The following AFF3 variants were observed in gnomAD, a reference collection of about 807,000 sequenced individuals.
The protein encoded by AFF3 is ALF transcription elongation factor 3, also known as AF4/FMR2 family member 3.
Under a neutral mutation model 129.7 loss-of-function variants are expected in AFF3, and 32 were observed. The observed-to-expected ratio is 0.25, with a 90% CI of 0.19 to 0.33. The LOEUF (loss-of-function observed/expected upper bound fraction) is 0.33. Among genes scored for constraint, AFF3 ranks in the 10% least tolerant of loss-of-function variants. AFF3 has a pLI of 1.00. For synonymous variants in AFF3, 644 were observed against 635.4 expected, an observed-to-expected ratio of 1.01 and a Z score of -0.20; for missense variants, 1,373 against 1,592.0, an observed-to-expected ratio of 0.86 and a Z score of 2.34.
chr2:99,738,418 CAAGT>C (rs1218413161), intron 10 of AFF3, among the ~76,000 whole-genome samples: 1 of 152,046 alleles, frequency 6.6e-6, no homozygotes, highest in Admixed American at 6.6e-5. Context: ...TTTTAATTCT[CAAGT>C]GTTCATTTGT....
At chr2:99,578,474 CT>C in intron 17 of AFF3, 23 bp from the exon 18 acceptor site, 1 of 1,606,290 alleles carries the variant, frequency 6.2e-7, no homozygotes. Context: ...CAACACACAT[CT>C]TTGAGAAATT....
intron 8 of AFF3, among the ~76,000 whole-genome samples, chr2:99,777,947 CAAAAAAAAAAA>C (rs576434643): frequency 6.2e-5 from 3 of 48,340 alleles, no homozygotes; most frequent in Non-Finnish European, 1.1e-4. Context: ...AAAGCAAAAG[CAAAAAAAAAAA>C]AAAAAAAAAA....
intron 12 of AFF3, among the ~76,000 whole-genome samples, chr2:99,653,082 C>T (rs930113405): frequency 3.9e-5 from 6 of 152,206 alleles, no homozygotes; most frequent in Non-Finnish European, 7.3e-5. Context: ...GGTGGCATCA[C>T]TGCTGGCAGG....
intron 14 of AFF3, among the ~76,000 whole-genome samples, chr2:99,599,843 T>C (rs752214050): frequency 3.9e-5 from 6 of 152,222 alleles, no homozygotes; most frequent in African/African-American, 1.4e-4. Flanking sequence ...ACTCTTCTAC[T>C]TTATTTAACT....
At chr2:99,650,435 TGTAGTCCC>T (rs1466388345) in intron 12 of AFF3, among the ~76,000 whole-genome samples, 1 of 152,120 alleles carries the variant, frequency 6.6e-6, no homozygotes, top group Non-Finnish European at 1.5e-5. Flanking sequence ...GGCATGCGCC[TGTAGTCCC>T]AGTGACTCAG....
chr2:99,910,718 G>A (rs150488065), intron 7 of AFF3, among the ~76,000 whole-genome samples: 1 of 152,342 alleles, frequency 6.6e-6, no homozygotes, highest in African/African-American at 2.4e-5. Flanking sequence ...CTCAAATCCT[G>A]TCTACAGGCT....
At chr2:99,627,149 C>T (rs1682663317) in intron 13 of AFF3, among the ~76,000 whole-genome samples, 2 of 152,130 alleles carry the variant, frequency 1.3e-5, no homozygotes, top group Admixed American at 6.5e-5. Context: ...CGAGGAATCA[C>T]CAGTGTTTTC....
At chr2:99,718,020 T>C (rs1369055485) in intron 11 of AFF3, among the ~76,000 whole-genome samples, 8 of 152,222 alleles carry the variant, frequency 5.3e-5, no homozygotes, top group Admixed American at 3.9e-4. Context: ...ATTTTTTCTA[T>C]TGATTTATTT....
intron 8 of AFF3, among the ~76,000 whole-genome samples, chr2:99,832,867 C>G (rs1215932998): frequency 6.6e-6 from 1 of 152,054 alleles, no homozygotes; most frequent in East Asian, 1.9e-4. Context: ...TTGATTTTGC[C>G]ATTGGTGGGC....
intron 7 of AFF3, among the ~76,000 whole-genome samples, chr2:100,004,473 G>T (rs1681759573): frequency 6.6e-6 from 1 of 151,998 alleles, no homozygotes; most frequent in Non-Finnish European, 1.5e-5. Flanking sequence ...TTTTTGTAGA[G>T]ATGGGATCTC....
intron 11 of AFF3, among the ~76,000 whole-genome samples, chr2:99,710,794 C>G (rs1456988892): frequency 2.0e-5 from 3 of 152,126 alleles, no homozygotes; most frequent in Non-Finnish European, 4.4e-5. Flanking sequence ...GCGGTAGAAC[C>G]TTGGAGGCAG....
chr2:99,671,278 A>G (rs1261620690), intron 12 of AFF3, among the ~76,000 whole-genome samples: 1 of 152,210 alleles, frequency 6.6e-6, no homozygotes. Context: ...CATTTCTGCT[A>G]AGATTGCTGT....
chr2:99,855,053 A>C (rs537673963), intron 7 of AFF3, among the ~76,000 whole-genome samples: 1 of 152,322 alleles, frequency 6.6e-6, no homozygotes, highest in East Asian at 1.9e-4. Flanking sequence ...CTAGAAGAGT[A>C]AACATCGGTG....
At chr2:100,052,274 A>T (rs1686397769) in intron 4 of AFF3, among the ~76,000 whole-genome samples, 1 of 152,226 alleles carries the variant, frequency 6.6e-6, no homozygotes, top group Non-Finnish European at 1.5e-5. Flanking sequence ...AAAGAATACG[A>T]TTAAGATTTC....
In AFF3 at chr2:99,918,513, C is replaced by T. The variant is rs1486390779; in HGVS notation, c.874-80989G>A. Among the ~76,000 whole-genome samples the T allele has an allele frequency of 2.0e-5, 3 of 152,196 alleles. No homozygotes were observed. The South Asian group carries it at 6.2e-4, about 32-fold the overall frequency. ...GTCCTGCCTTCCATAAGGAGAATGTCTGTTCTCCCGACAGTGTTTGTAATA... is the reference window on the plus strand; with the variant it reads ...GTCCTGCCTTCCATAAGGAGAATGTTTGTTCTCCCGACAGTGTTTGTAATA... On this transcript the variant is annotated intron_variant, in intron 7 of 24. Coordinates refer to ENST00000672756, the MANE Select transcript of AFF3 (RefSeq NM_001386135.1).
chr2:100,114,919 A>T (rs906693345), intron 2 of AFF3, among the ~76,000 whole-genome samples: 2 of 152,262 alleles, frequency 1.3e-5, no homozygotes, highest in African/African-American at 4.8e-5. Flanking sequence ...GCACAGCAGT[A>T]AGTACGTGAT....
chr2:100,068,341 A>C (rs1687892386), intron 4 of AFF3, among the ~76,000 whole-genome samples: 1 of 152,194 alleles, frequency 6.6e-6, no homozygotes. Flanking sequence ...GCTAAGAAAC[A>C]ATCTGCCACT....
intron 4 of AFF3, among the ~76,000 whole-genome samples, chr2:100,095,192 A>G (rs1690188276): frequency 6.7e-6 from 1 of 150,150 alleles, no homozygotes; most frequent in Admixed American, 6.6e-5. Context: ...GTATTTTCTT[A>G]AATGTAAAAG....
chr2:99,635,396 C>A (rs548305039), intron 13 of AFF3, among the ~76,000 whole-genome samples: 1 of 152,192 alleles, frequency 6.6e-6, no homozygotes, highest in South Asian at 2.1e-4. Context: ...CTCCTGGGCT[C>A]AAGCAATCTT....
Sources: gnomAD v4.1 joint callset for allele counts (sites outside exome capture counted in the v4.1 genomes callset) on GRCh38, gnomAD v4.1.1 for gene constraint, MANE v1.5 for transcripts, NCBI Gene and HGNC (gene_info 2026-07-23, HGNC 2026-07-21) for gene names.